The following ADD2 variants were observed in gnomAD, a reference collection of about 807,000 sequenced individuals.
The protein encoded by ADD2 is adducin 2.
A neutral mutation model predicts 83.0 loss-of-function variants in ADD2; 23 were observed. That is an observed-to-expected ratio of 0.28 (90% CI 0.20 to 0.39). The LOEUF (loss-of-function observed/expected upper bound fraction) is 0.39. Among genes scored for constraint, ADD2 ranks in the 10% least tolerant of loss-of-function variants. The pLI is 1.00. For missense variants in ADD2, 758 were observed against 944.9 expected (o/e 0.80, Z 2.59); for synonymous variants, 375 against 375.4 (o/e 1.00, Z 0.01).
In ADD2 at chr2:70,697,756, G is replaced by A. The variant is rs369143168; in HGVS notation, c.323-1360C>T. ...AGCGAGGGCGGACGATGTATGTCCT[G>A]CATCGAGTGTGCCATTAGTGGAAGT... On this transcript the variant is annotated intron_variant, in intron 4 of 15. Coordinates refer to ENST00000264436, the MANE Select transcript of ADD2 (RefSeq NM_001617.4). Among the ~76,000 whole-genome samples the A allele has an allele frequency of 2.6e-5, 4 of 152,172 alleles. No individual in the cohort carries two copies. The East Asian group carries it at 5.8e-4, about 22-fold the overall frequency.
In ADD2 at chr2:70,768,031, C is replaced by T. The variant is rs578212104; in HGVS notation, c.-299G>A. On this transcript the variant is annotated 5_prime_UTR_variant, in exon 1 of 16. Transcript: ENST00000264436. ...TTCTGCCCATGCTGCAGCCCGCGCT[C>T]GTCAGAGCTGCTGGGAGATCCCCCA... is the stretch of plus-strand genomic sequence containing the variant. The T allele has an allele frequency of 4.1e-4, 602 of 1,480,782 alleles. 5 individuals carry two copies. The South Asian group carries it at 4.9e-3, about 12-fold the overall frequency. The allele number at this position is 1,480,782 out of a possible 1,614,324, so 91.7% of individuals were successfully genotyped here.
At chr2:70,682,226 T>C (rs1670492197) in intron 10 of ADD2, among the ~76,000 whole-genome samples, 2 of 152,342 alleles carry the variant, frequency 1.3e-5, no homozygotes, top group Admixed American at 6.5e-5. Context: ...TCTAAATATA[T>C]TACAATTATT....
chr2:70,674,901 T>C (rs1670058294), intron 13 of ADD2, 76 bp from the exon 14 acceptor site: 14 of 1,543,060 alleles, frequency 9.1e-6, no homozygotes, highest in Non-Finnish European at 1.2e-5. Flanking sequence ...TCCTTTTAGA[T>C]TCATGTGGCT....
At chr2:70,724,100 C>A (rs1348016666) in intron 1 of ADD2, among the ~76,000 whole-genome samples, 1 of 152,196 alleles carries the variant, frequency 6.6e-6, no homozygotes, top group Non-Finnish European at 1.5e-5. Context: ...ATGACATAGG[C>A]CTTAAAAGCT....
At chr2:70,698,417 C>T (rs1457633463) in intron 4 of ADD2, among the ~76,000 whole-genome samples, 5 of 152,214 alleles carry the variant, frequency 3.3e-5, no homozygotes, top group African/African-American at 1.2e-4. Flanking sequence ...ATCCCCTGCT[C>T]TGAGTCTCAA....
intron 10 of ADD2, among the ~76,000 whole-genome samples, chr2:70,682,767 G>A (rs1670523544): frequency 6.6e-6 from 1 of 151,934 alleles, no homozygotes; most frequent in South Asian, 2.1e-4. Context: ...AATTTTTTTT[G>A]TATCCTTTGA....
chr2:70,767,765 G>C (rs1381572442), intron 1 of ADD2, 121 bp downstream of exon 1: 4 of 1,458,296 alleles, frequency 2.7e-6, no homozygotes, highest in Non-Finnish European at 2.7e-6. Context: ...CGACGCGCTC[G>C]GCAACAGACG....
intron 1 of ADD2, among the ~76,000 whole-genome samples, chr2:70,749,851 C>T (rs1408858895): frequency 2.6e-5 from 4 of 152,176 alleles, no homozygotes; most frequent in East Asian, 1.9e-4. Context: ...GCACCAGCCC[C>T]GGGTTGCCAA....
At chr2:70,697,708 G>A (rs1671380391) in intron 4 of ADD2, among the ~76,000 whole-genome samples, 1 of 152,178 alleles carries the variant, frequency 6.6e-6, no homozygotes, top group Non-Finnish European at 1.5e-5. Context: ...GCCATTAGTG[G>A]AAGTGATGAC....
chr2:70,710,674 C>T (rs367545810), intron 2 of ADD2, among the ~76,000 whole-genome samples: 8 of 152,388 alleles, frequency 5.2e-5, no homozygotes, highest in African/African-American at 1.7e-4. Context: ...TGGAACAAGA[C>T]TACCTGGGTT....
intron 2 of ADD2, among the ~76,000 whole-genome samples, chr2:70,712,366 C>T (rs1159802234): frequency 6.6e-6 from 1 of 151,052 alleles, no homozygotes; most frequent in Non-Finnish European, 1.5e-5. Context: ...ATCGCTTGAA[C>T]CTGGGAGGCA....
In ADD2 at chr2:70,695,763, G is replaced by C; in HGVS notation, c.513C>G (p.Ser171Arg). 1 of 1,614,152 alleles carries C rather than the reference G, an allele frequency of 6.2e-7. No homozygotes were observed. Among genetic ancestry groups the C allele is most frequent in the Non-Finnish European group, 8.5e-7 (1 of 1,180,028 alleles). ...VSKEQDHFLI[S>R]PKGVSCSEVT... ...CTTCACTGCAAGAAACTCCCTTAGG[G>C]CTGATCAGGAAGTGGTCCTGCTCCT... is the stretch of plus-strand genomic sequence containing the variant. Residue 171 changes from serine to arginine, a missense_variant, in exon 6 of 16, where the codon AGC (serine) becomes AGG (arginine). Physicochemically the swap from Ser to Arg is moderately radical, Grantham distance 110 (BLOSUM62 -1). This residue lies in a region of ADD2 where 394 missense variants were observed against 509.3 expected (regional missense o/e 0.77). Transcript: ENST00000264436.
At chr2:70,764,919 T>C (rs782598040) in intron 1 of ADD2, among the ~76,000 whole-genome samples, 26 of 152,066 alleles carry the variant, frequency 1.7e-4, no homozygotes, top group Non-Finnish European at 1.3e-4. Context: ...ACCTGTGGCA[T>C]GATATCATTA....
chr2:70,748,495 A>C (rs1674344356), intron 1 of ADD2, among the ~76,000 whole-genome samples: 1 of 152,154 alleles, frequency 6.6e-6, no homozygotes, highest in Non-Finnish European at 1.5e-5. Context: ...TCCTGCCACA[A>C]TAGGCTCCTC....
intron 6 of ADD2, among the ~76,000 whole-genome samples, 168 bp downstream of exon 6, chr2:70,695,553 G>A (rs549477383): frequency 3.1e-4 from 47 of 152,076 alleles, no homozygotes; most frequent in Non-Finnish European, 6.5e-4. Context: ...TCTCTTGGTC[G>A]CATCATGCTC....
intron 1 of ADD2, among the ~76,000 whole-genome samples, chr2:70,738,471 A>T (rs1388108689): frequency 6.6e-6 from 1 of 152,168 alleles, no homozygotes; most frequent in Non-Finnish European, 1.5e-5. Context: ...CAGCTGAAAG[A>T]TAAAGCTTTA....
chr2:70,717,324 G>C (rs1672522903), intron 1 of ADD2, among the ~76,000 whole-genome samples: 1 of 152,158 alleles, frequency 6.6e-6, no homozygotes, highest in Non-Finnish European at 1.5e-5. Context: ...GTTCCTTGTG[G>C]CTATAAGAGA....
chr2:70,732,529 G>A (rs1553379488), intron 1 of ADD2, among the ~76,000 whole-genome samples: 2 of 152,186 alleles, frequency 1.3e-5, no homozygotes, highest in African/African-American at 4.8e-5. Context: ...GCATCATGAG[G>A]GAAAAGCACT....
At chr2:70,678,270 A>G (rs1574229738) in intron 11 of ADD2, among the ~76,000 whole-genome samples, 1 of 152,336 alleles carries the variant, frequency 6.6e-6, no homozygotes, top group East Asian at 1.9e-4. Context: ...TTAATAAAAA[A>G]TTGAGAGCCT....
Sources: allele counts gnomAD v4.1 joint callset (sites outside exome capture counted in the v4.1 genomes callset), GRCh38; gene constraint gnomAD v4.1.1; regional missense constraint gnomAD v4.1.1; transcripts MANE v1.5; gene names NCBI Gene and HGNC (gene_info 2026-07-23, HGNC 2026-07-21).